Variants in USP14 observed in about 807,000 individuals in gnomAD.
The protein encoded by USP14 is ubiquitin carboxyl-terminal hydrolase 14.
In USP14, 38 loss-of-function variants were observed where a neutral mutation model predicts 76.5. The ratio of observed to expected loss-of-function variants is 0.50; its 90% confidence interval spans 0.38 to 0.65. The LOEUF is 0.65. Among genes scored for constraint, USP14 ranks in the 30% least tolerant of loss-of-function variants. The pLI is 0.00. For missense variants in USP14, 467 were observed against 586.5 expected (o/e 0.80, Z 2.10); for synonymous variants, 192 against 191.7 (o/e 1.00, Z -0.01).
chr18:185,973 A>G (rs1909918486), intron 5 of USP14, among the ~76,000 whole-genome samples: 1 of 151,510 alleles, frequency 6.6e-6, no homozygotes, highest in African/African-American at 2.4e-5. Flanking sequence ...AAATACTGGG[A>G]TTACAGGTGT....
At chr18:204,763 CTT>C (rs1172891395) in intron 13 of USP14, 71 bp downstream of exon 13, 21 of 1,536,436 alleles carry the variant, frequency 1.4e-5, no homozygotes, top group Non-Finnish European at 8.8e-7. Flanking sequence ...ATTACTCTGT[CTT>C]TTTTTTCCTG....
intron 4 of USP14, 96 bp downstream of exon 4, chr18:179,133 C>A: frequency 1.3e-6 from 1 of 785,692 alleles, no homozygotes; most frequent in Non-Finnish European, 2.0e-6. Flanking sequence ...GTCTTGAAGA[C>A]TTAATCATTA....
chr18:172,462 T>C (rs1384484643), intron 3 of USP14, among the ~76,000 whole-genome samples: 1 of 152,190 alleles, frequency 6.6e-6, no homozygotes, highest in Non-Finnish European at 1.5e-5. Context: ...GCAGCAGGAT[T>C]TGAGAGGTTT....
At chr18:165,453 A>G (rs16945343) in intron 2 of USP14, among the ~76,000 whole-genome samples, 9,468 of 152,210 alleles carry the variant, frequency 0.062, 638 homozygotes, top group East Asian at 0.3. Flanking sequence ...AGCCTAATCT[A>G]TGCTGAACAC....
At chr18:208,591 T>C (rs968689919) in intron 13 of USP14, among the ~76,000 whole-genome samples, 2 of 152,144 alleles carry the variant, frequency 1.3e-5, no homozygotes, top group African/African-American at 4.8e-5. Context: ...TTATTTTCAT[T>C]CTGTTCCTTG....
At chr18:201,875 C>T (rs1385678598) in intron 10 of USP14, among the ~76,000 whole-genome samples, 1 of 152,102 alleles carries the variant, frequency 6.6e-6, no homozygotes, top group Non-Finnish European at 1.5e-5. Context: ...TATTTATTTC[C>T]TTTATAACTT....
Position 169,234 on chromosome 18 carries a change from T to TA in USP14, c.195+2416dup, listed in dbSNP as rs1027937319. On this transcript the variant is annotated intron_variant, in intron 3 of 15. Coordinates refer to ENST00000261601, the MANE Select transcript of USP14 (RefSeq NM_005151.4). Reference sequence around the variant, plus strand: ...GGTGAAACCCCGTCTCTATTAAAAATACAAAAATTAGCCGAGTGTCATGGT... The same window carrying TA: ...GGTGAAACCCCGTCTCTATTAAAAATAACAAAAATTAGCCGAGTGTCATGGT... Among the ~76,000 whole-genome samples, 111 of 150,980 alleles carry TA rather than the reference T, an allele frequency of 7.4e-4. 2 individuals are homozygous for TA. The highest frequency in any genetic ancestry group is 2.5e-3 in the African/African-American group (103 of 41,094).
rs1910722527 is a variant in USP14 at position 213,216 on chromosome 18, T to C, written c.*1932T>C. On this transcript the variant is annotated 3_prime_UTR_variant, in exon 16 of 16. Transcript: ENST00000261601. ...TTTATTGAGGACATGAATTTAACAA[T>C]TAGAATTTAGATTTTCTGACTGTAG... 1 of 152,196 alleles carries C rather than the reference T, an allele frequency of 6.6e-6. No individual in the cohort carries two copies. The highest frequency in any genetic ancestry group is 2.1e-4 in the South Asian group (1 of 4,826). 9.4% of individuals were successfully genotyped at this position (152,196 alleles called of 1,614,324 possible).
At chr18:165,565 C>T (rs1478540926) in intron 2 of USP14, among the ~76,000 whole-genome samples, 1 of 152,056 alleles carries the variant, frequency 6.6e-6, no homozygotes, top group African/African-American at 2.4e-5. Context: ...TTATGTCAGG[C>T]TTTTATTATA....
chr18:165,243 G>A (rs1311167823), intron 2 of USP14, among the ~76,000 whole-genome samples: 12 of 152,038 alleles, frequency 7.9e-5, no homozygotes, highest in Admixed American at 7.2e-4. Flanking sequence ...CACCACACCC[G>A]GCCTCTATTA....
At chr18:196,529 A>AC in intron 6 of USP14, 108 bp from the exon 7 acceptor site, 2 of 1,363,520 alleles carry the variant, frequency 1.5e-6, no homozygotes, top group Non-Finnish European at 2.0e-6. Flanking sequence ...ATCTCAAAAA[A>AC]AAAAAAAATT....
chr18:193,694 T>C (rs1340678674), intron 6 of USP14, among the ~76,000 whole-genome samples: 1 of 152,202 alleles, frequency 6.6e-6, no homozygotes, highest in East Asian at 1.9e-4. Flanking sequence ...TAATATGTAG[T>C]CTCTTGTGAC....
At chr18:172,229 C>T (rs1295023360) in intron 3 of USP14, among the ~76,000 whole-genome samples, 2 of 152,050 alleles carry the variant, frequency 1.3e-5, no homozygotes, top group African/African-American at 4.8e-5. Context: ...CAGAGTGAGA[C>T]CCTGTATCTA....
At chr18:194,366 G>A (rs887601965) in intron 6 of USP14, among the ~76,000 whole-genome samples, 32 of 152,064 alleles carry the variant, frequency 2.1e-4, no homozygotes, top group African/African-American at 5.6e-4. Flanking sequence ...TCATATATGC[G>A]GCTAATAGTA....
chr18:203,205 T>C lies in USP14; in HGVS notation c.1035+15T>C, dbSNP rs368601925. The C allele has an allele frequency of 1.8e-4, 282 of 1,595,146 alleles. 1 individual carries two copies. The highest frequency in any genetic ancestry group is 3.2e-5 in the Non-Finnish European group (37 of 1,167,966). On this transcript the variant is annotated intron_variant, in intron 12 of 15. Coordinates refer to ENST00000261601, the MANE Select transcript of USP14 (RefSeq NM_005151.4). ...AAGTTCTTAAGGTTAGTAATGAACT[T>C]TACTTTGTATAAGAAATGTAATTCT... is the stretch of plus-strand genomic sequence containing the variant.
intron 5 of USP14, among the ~76,000 whole-genome samples, chr18:191,596 C>A (rs964290838): frequency 4.6e-5 from 7 of 152,142 alleles, no homozygotes; most frequent in African/African-American, 1.4e-4. Flanking sequence ...CTCTCCACCC[C>A]CTTCCAGCAA....
At position 197,610 on chromosome 18, in the gene USP14, T is replaced by C. The variant is rs1208263003; in HGVS notation, c.595-6T>C. On this transcript the variant is annotated splice_region_variant and splice_polypyrimidine_tract_variant and intron_variant, in intron 7 of 15. Coordinates refer to ENST00000261601, the MANE Select transcript of USP14 (RefSeq NM_005151.4). ...ATTACTTACTTTGTCTTTTTTTACATTACAGGATGCTAATGAATGTTGGAT... is the reference window on the plus strand; with the variant it reads ...ATTACTTACTTTGTCTTTTTTTACACTACAGGATGCTAATGAATGTTGGAT... The C allele has an allele frequency of 6.2e-7, 1 of 1,607,956 alleles. No individual in the cohort carries two copies. Among genetic ancestry groups the C allele is most frequent in the Non-Finnish European group, 8.5e-7 (1 of 1,176,308 alleles).
chr18:177,727 A>G (rs1909666736), intron 3 of USP14, among the ~76,000 whole-genome samples: 1 of 151,576 alleles, frequency 6.6e-6, no homozygotes, highest in Non-Finnish European at 1.5e-5. Flanking sequence ...GTAAGAGAGT[A>G]AGATGTTATT....
In USP14 at chr18:189,694, G is replaced by A. The variant is rs180850309; in HGVS notation, c.405-3148G>A. Among the ~76,000 whole-genome samples the A allele has an allele frequency of 2.1e-3, 316 of 152,228 alleles. 1 individual carries two copies. The highest frequency in any genetic ancestry group is 3.5e-3 in the Non-Finnish European group (241 of 67,996). On this transcript the variant is annotated intron_variant, in intron 5 of 15. Transcript: ENST00000261601. ...GACAGGGTTTCATCATGTTGGCCAG[G>A]ATGGTCTCGATCTCTTGACCTCGTG...
Sources: gnomAD v4.1 joint callset for allele counts (sites outside exome capture counted in the v4.1 genomes callset) on GRCh38, gnomAD v4.1.1 for gene constraint, MANE v1.5 for transcripts, NCBI Gene and HGNC (gene_info 2026-07-23, HGNC 2026-07-21) for gene names.